Variants in NRXN1 observed in about 807,000 individuals in gnomAD.
NRXN1 encodes neurexin 1.
In NRXN1, 39 loss-of-function variants were observed where a neutral mutation model predicts 150.9. That is an observed-to-expected ratio of 0.26 (90% CI 0.20 to 0.34). The LOEUF (loss-of-function observed/expected upper bound fraction) is 0.34, where lower values mean the gene tolerates loss of function less well. NRXN1 is among the 10% of genes least tolerant of loss of function. The pLI is 1.00. For synonymous variants in NRXN1, 924 were observed against 757.0 expected, an observed-to-expected ratio of 1.22 and a Z score of -3.62; for missense variants, 1,815 against 1,949.9, an observed-to-expected ratio of 0.93 and a Z score of 1.30.
chr2:50,692,936 T>C (rs561395854), intron 5 of NRXN1, among the ~76,000 whole-genome samples: 2 of 152,264 alleles, frequency 1.3e-5, no homozygotes, highest in South Asian at 2.1e-4. Context: ...AAAAGAGCAA[T>C]GTGGGAAGAC....
At chr2:50,729,418 T>C (rs917615718) in intron 5 of NRXN1, among the ~76,000 whole-genome samples, 12 of 152,172 alleles carry the variant, frequency 7.9e-5, no homozygotes, top group Admixed American at 7.2e-4. Flanking sequence ...GTGCAGTTTC[T>C]TAAAAGATGA....
At chr2:50,210,786 C>A (rs1053912419) in intron 18 of NRXN1, among the ~76,000 whole-genome samples, 11 of 151,228 alleles carry the variant, frequency 7.3e-5, no homozygotes, top group Non-Finnish European at 1.3e-4. Context: ...AAAGCACAAT[C>A]AAAACTATAA....
At chr2:50,844,069 C>T (rs1180848427) in intron 5 of NRXN1, among the ~76,000 whole-genome samples, 1 of 152,144 alleles carries the variant, frequency 6.6e-6, no homozygotes, top group Non-Finnish European at 1.5e-5. Context: ...CTCACCTGTC[C>T]AAACCCAAAG....
intron 5 of NRXN1, among the ~76,000 whole-genome samples, chr2:50,660,098 C>T (rs184259279): frequency 6.6e-6 from 1 of 152,024 alleles, no homozygotes; most frequent in Non-Finnish European, 1.5e-5. Flanking sequence ...ACTTTACCCA[C>T]TGGGGACTTG....
intron 5 of NRXN1, among the ~76,000 whole-genome samples, chr2:50,718,333 G>C (rs4971565): frequency 0.16 from 24,011 of 152,106 alleles, 3,041 homozygotes; most frequent in African/African-American, 0.32. Flanking sequence ...GTTAAAGAAA[G>C]TTGGATGTGG....
intron 21 of NRXN1, among the ~76,000 whole-genome samples, chr2:50,025,970 T>C (rs923214679): frequency 1.8e-4 from 28 of 152,334 alleles, no homozygotes; most frequent in African/African-American, 5.8e-4. Flanking sequence ...TTATAATAAC[T>C]TCTTAGAAAC....
At position 50,157,681 on chromosome 2, in the gene NRXN1, G is replaced by A. The variant is rs2059108411; in HGVS notation, c.3547-66187C>T. Among the ~76,000 whole-genome samples, 4 of 152,038 alleles carry A rather than the reference G, an allele frequency of 2.6e-5. No individual in the cohort carries two copies. The South Asian group carries it at 8.3e-4, about 31-fold the overall frequency. ...AAGATAGACGAAATGTTGTCCAGCA[G>A]CAGAAATGGAGGCAGTAAGAATGGA... On this transcript the variant is annotated intron_variant, in intron 18 of 22. Transcript: ENST00000401669.
intron 18 of NRXN1, among the ~76,000 whole-genome samples, chr2:50,147,544 G>A (rs942809447): frequency 3.3e-5 from 5 of 151,816 alleles, no homozygotes; most frequent in Middle Eastern, 3.4e-3. Flanking sequence ...CTCTGCAGAC[G>A]AGGTGATTCT....
At chr2:50,827,892 G>A (rs1670698952) in intron 5 of NRXN1, among the ~76,000 whole-genome samples, 1 of 148,522 alleles carries the variant, frequency 6.7e-6, no homozygotes, top group Non-Finnish European at 1.5e-5. Context: ...ACTGGACACA[G>A]CACATGTTTC....
intron 21 of NRXN1, chr2:49,970,437 CAT>C (rs1677750815): frequency 6.6e-6 from 1 of 152,058 alleles, no homozygotes; most frequent in Non-Finnish European, 1.5e-5. Flanking sequence ...AGTTTGAACT[CAT>C]ATTGTCTTTA....
At chr2:50,448,344 C>A (rs1014633502) in intron 17 of NRXN1, among the ~76,000 whole-genome samples, 3 of 152,054 alleles carry the variant, frequency 2.0e-5, no homozygotes, top group Non-Finnish European at 2.9e-5. Flanking sequence ...AATAGAACGG[C>A]AAAACCAAAC....
intron 5 of NRXN1, among the ~76,000 whole-genome samples, chr2:50,913,197 T>C (rs1684774469): frequency 6.6e-6 from 1 of 151,816 alleles, no homozygotes; most frequent in Non-Finnish European, 1.5e-5. Context: ...CATTATCTGT[T>C]CACTGAGTTT....
chr2:50,635,487 T>C (rs1683104249), intron 5 of NRXN1, among the ~76,000 whole-genome samples: 1 of 152,040 alleles, frequency 6.6e-6, no homozygotes, highest in Non-Finnish European at 1.5e-5. Context: ...TAAATTCTTC[T>C]TGTCCCCTCT....
chr2:50,676,691 G>A (rs1284232449), intron 5 of NRXN1, among the ~76,000 whole-genome samples: 1 of 152,020 alleles, frequency 6.6e-6, no homozygotes, highest in African/African-American at 2.4e-5. Context: ...TAAAAATCAA[G>A]AACCAAATCA....
intron 18 of NRXN1, among the ~76,000 whole-genome samples, chr2:50,228,646 T>C (rs979217422): frequency 6.6e-6 from 1 of 152,024 alleles, no homozygotes; most frequent in South Asian, 2.1e-4. Flanking sequence ...ATTTTAAGTA[T>C]ATGAAGATAC....
intron 18 of NRXN1, among the ~76,000 whole-genome samples, chr2:50,206,441 A>G (rs897554592): frequency 6.6e-6 from 1 of 152,004 alleles, no homozygotes; most frequent in Non-Finnish European, 1.5e-5. Context: ...TTTTCTTTCT[A>G]GTCAGCTGCA....
intron 5 of NRXN1, among the ~76,000 whole-genome samples, chr2:50,894,332 A>G (rs1168518765): frequency 1.3e-5 from 2 of 151,046 alleles, no homozygotes; most frequent in East Asian, 3.9e-4. Flanking sequence ...ATAAAACCAA[A>G]AAAAAAAACC....
intron 18 of NRXN1, chr2:50,207,629 A>G (rs2062707114): frequency 5.9e-6 from 1 of 168,106 alleles, no homozygotes; most frequent in South Asian, 2.0e-4. Flanking sequence ...ATCAAATATT[A>G]TACTTCAAAG....
At chr2:50,764,270 G>A (rs899428235) in intron 5 of NRXN1, among the ~76,000 whole-genome samples, 4 of 151,884 alleles carry the variant, frequency 2.6e-5, no homozygotes, top group Non-Finnish European at 4.4e-5. Context: ...TTATAGTGGG[G>A]CATGACATAA....
Sources: gnomAD v4.1 joint callset for allele counts (sites outside exome capture counted in the v4.1 genomes callset) on GRCh38, gnomAD v4.1.1 for gene constraint, MANE v1.5 for transcripts, NCBI Gene and HGNC (gene_info 2026-07-23, HGNC 2026-07-21) for gene names.